Variants in PRR20G observed in about 807,000 individuals in gnomAD.
PRR20G encodes the protein proline-rich protein 20G.
intron 2 of PRR20G, among the ~76,000 whole-genome samples, chr3:127,285,457 G>C (rs2080382599): frequency 6.6e-6 from 1 of 152,096 alleles, no homozygotes; most frequent in African/African-American, 2.4e-5. Context: ...TGGCAGGGAG[G>C]GGAGGCGTTC....
At chr3:127,286,498 G>A (rs894331781) in intron 2 of PRR20G, among the ~76,000 whole-genome samples, 25 of 152,214 alleles carry the variant, frequency 1.6e-4, no homozygotes. Context: ...ATGTTTTCAA[G>A]AATAATTTGG....
In PRR20G at chr3:127,283,876, T is replaced by C. The variant is rs1361384011; in HGVS notation, c.*184A>G. On this transcript the variant is annotated 3_prime_UTR_variant, in exon 3 of 3. Coordinates refer to ENST00000465482, the MANE Select transcript of PRR20G (RefSeq NM_001362810.2). Reference sequence around the variant, plus strand: ...TACAAAGCGGAGGCAAGAGGGGAATTGGAAGCAGATGGACTACTGTCAGGA... The same window carrying C: ...TACAAAGCGGAGGCAAGAGGGGAATCGGAAGCAGATGGACTACTGTCAGGA... Among the ~76,000 whole-genome samples the C allele has an allele frequency of 6.6e-6, 1 of 151,978 alleles. No individual in the cohort carries two copies. The highest frequency in any genetic ancestry group is 6.6e-5 in the Admixed American group (1 of 15,254).
rs71615930 is a variant in PRR20G, at chr3:127,287,944, A to ATC, written c.-75_-74dup. On this transcript the variant is annotated 5_prime_UTR_variant, in exon 1 of 3. Transcript: ENST00000465482. ...CTGAGGAGCTGGAGGTGTCCACGGG[A>ATC]TCACGGCTATGGCTCCGACGTCGCC... 0.16 allele frequency among the ~76,000 whole-genome samples: 23,822 copies of ATC among 152,004 alleles called. 2,489 individuals are homozygous for ATC. The highest frequency in any genetic ancestry group is 0.41 in the East Asian group (2,079 of 5,098).
chr3:127,285,606 A>G (rs1462388669), intron 2 of PRR20G, among the ~76,000 whole-genome samples: 3 of 152,204 alleles, frequency 2.0e-5, no homozygotes, highest in Non-Finnish European at 4.4e-5. Context: ...GTAGCCTAAG[A>G]AAAAGTCCCA....
At chr3:127,286,207 G>A (rs1000117196) in intron 2 of PRR20G, among the ~76,000 whole-genome samples, 11 of 152,150 alleles carry the variant, frequency 7.2e-5, no homozygotes, top group Admixed American at 6.5e-4. Context: ...AGGGAAGAAA[G>A]GCCATATGGA....
Position 127,284,653 on chromosome 3 carries a change from C to G in PRR20G, c.53-13G>C, listed in dbSNP as rs1256943376. 2 of 156,278 alleles carry G rather than the reference C, an allele frequency of 1.3e-5. No homozygotes were observed. Among genetic ancestry groups the G allele is most frequent in the African/African-American group, 2.4e-5 (1 of 41,468 alleles). 9.7% of individuals were successfully genotyped at this position (156,278 alleles called of 1,614,324 possible). ...GGCCCACCTGAAGCTAAAAGAGAAG[C>G]AGAGTGTAAGGAGATGGAGTAGGGG... On this transcript the variant is annotated splice_polypyrimidine_tract_variant and intron_variant, in intron 2 of 2. Coordinates refer to ENST00000465482, the MANE Select transcript of PRR20G (RefSeq NM_001362810.2).
chr3:127,286,421 T>C (rs991806525), intron 2 of PRR20G, among the ~76,000 whole-genome samples: 2 of 152,238 alleles, frequency 1.3e-5, no homozygotes, highest in African/African-American at 4.8e-5. Flanking sequence ...CTTCAAGGCA[T>C]GCTTTCTTGT....
At chr3:127,286,716 G>A (rs575056743) in intron 2 of PRR20G, among the ~76,000 whole-genome samples, 1 of 152,366 alleles carries the variant, frequency 6.6e-6, no homozygotes, top group African/African-American at 2.4e-5. Context: ...AGATCCTGGA[G>A]TGGCAGCTGG....
intron 1 of PRR20G, among the ~76,000 whole-genome samples, 72 bp from the exon 2 acceptor site, chr3:127,287,444 C>T (rs891302367): frequency 6.6e-6 from 1 of 152,170 alleles, no homozygotes; most frequent in African/African-American, 2.4e-5. Context: ...CCAAGCGTCA[C>T]GCAGCGATGC....
chr3:127,285,928 G>A (rs142809244), intron 2 of PRR20G, among the ~76,000 whole-genome samples: 597 of 152,180 alleles, frequency 3.9e-3, no homozygotes, highest in African/African-American at 0.012. Flanking sequence ...CAATTATAGG[G>A]TACTTTTGAA....
Position 127,284,414 on chromosome 3 carries a change from G to A in PRR20G, c.279C>T (p.Gly93=), listed in dbSNP as rs117511625. Residue 93 remains glycine (G), a synonymous_variant, in exon 3 of 3, where the codon GGC becomes GGT. Transcript: ENST00000465482. ...GSGAGLLRAL[G]ERVGPGMYLV... ...GGTACATGCCTGGCCCCACTCTCTCGCCCAGGGCCCTGAGAAGCCCAGCCC... is the reference window on the plus strand; with the variant it reads ...GGTACATGCCTGGCCCCACTCTCTCACCCAGGGCCCTGAGAAGCCCAGCCC... 1.8e-3 allele frequency: 280 copies of A among 152,924 alleles called. 6 individuals are homozygous for A. In the East Asian group the frequency reaches 0.049, roughly 27 times the overall value. 9.5% of individuals were successfully genotyped at this position (152,924 alleles called of 1,614,324 possible).
chr3:127,287,496 C>T (rs1011581887), intron 1 of PRR20G, among the ~76,000 whole-genome samples, 124 bp from the exon 2 acceptor site: 1 of 152,150 alleles, frequency 6.6e-6, no homozygotes, highest in Non-Finnish European at 1.5e-5. Context: ...CTGCCGCTCG[C>T]GGGTCTCAGA....
intron 2 of PRR20G, among the ~76,000 whole-genome samples, chr3:127,286,295 C>T (rs867924791): frequency 1.3e-5 from 2 of 152,138 alleles, no homozygotes; most frequent in African/African-American, 4.8e-5. Context: ...ATAGAAAATG[C>T]CTTCAAAATT....
intron 2 of PRR20G, among the ~76,000 whole-genome samples, chr3:127,285,482 T>C (rs2080382684): frequency 6.6e-6 from 1 of 151,958 alleles, no homozygotes; most frequent in South Asian, 2.1e-4. Flanking sequence ...AGATACATGA[T>C]TGAGCAATGG....
At chr3:127,285,400 G>T (rs2080382220) in intron 2 of PRR20G, among the ~76,000 whole-genome samples, 1 of 152,082 alleles carries the variant, frequency 6.6e-6, no homozygotes, top group Admixed American at 6.5e-5. Flanking sequence ...GGGGGTAGTT[G>T]CATGGCTTCC....
intron 2 of PRR20G, among the ~76,000 whole-genome samples, chr3:127,285,698 G>A (rs949673224): frequency 2.0e-5 from 3 of 152,096 alleles, no homozygotes; most frequent in African/African-American, 7.2e-5. Flanking sequence ...CCCCATCCAC[G>A]AGCTTGGAGC....
chr3:127,288,043 G>A lies in PRR20G; in HGVS notation c.-172C>T, dbSNP rs1416307192. ...CTAGTTCGGAGCCCGGCAGAAAGCTGACTGCTCGCGGTTACGAGAGCTCCC... is the reference window on the plus strand; with the variant it reads ...CTAGTTCGGAGCCCGGCAGAAAGCTAACTGCTCGCGGTTACGAGAGCTCCC... On this transcript the variant is annotated 5_prime_UTR_variant, in exon 1 of 3. Transcript: ENST00000465482. Among the ~76,000 whole-genome samples, 2 of 152,184 alleles carry A rather than the reference G, an allele frequency of 1.3e-5. No homozygotes were observed. The highest frequency in any genetic ancestry group is 2.9e-5 in the Non-Finnish European group (2 of 68,034).
chr3:127,286,227 G>T (rs547572247), intron 2 of PRR20G, among the ~76,000 whole-genome samples: 2 of 152,256 alleles, frequency 1.3e-5, no homozygotes, highest in African/African-American at 4.8e-5. Flanking sequence ...AAAGGGTCAG[G>T]ATTCAACATG....
At chr3:127,286,105 A>G (rs2080385909) in intron 2 of PRR20G, among the ~76,000 whole-genome samples, 2 of 152,194 alleles carry the variant, frequency 1.3e-5, no homozygotes, top group Admixed American at 6.5e-5. Context: ...GAAAATTAGA[A>G]GTGTATTGTT....
Sources: allele counts gnomAD v4.1 joint callset (sites outside exome capture counted in the v4.1 genomes callset), GRCh38; gene constraint gnomAD v4.1.1; transcripts MANE v1.5; gene names NCBI Gene and HGNC (gene_info 2026-07-23, HGNC 2026-07-21).